The following NCOR2 variants were observed in gnomAD, a reference collection of about 807,000 sequenced individuals.
The protein encoded by NCOR2 is CTG repeat protein 26.
In NCOR2, 81 loss-of-function variants were observed where a neutral mutation model predicts 262.9. That is an observed-to-expected ratio of 0.31 (90% CI 0.26 to 0.37). NCOR2 has a LOEUF of 0.37. NCOR2 is among the 10% of genes least tolerant of loss of function. NCOR2 has a pLI of 1.00. For missense variants in NCOR2, 3,385 were observed against 3,621.4 expected (o/e 0.93, Z 1.68); for synonymous variants, 1,659 against 1,559.3 (o/e 1.06, Z -1.51).
Position 124,334,623 on chromosome 12 carries a change from G to A in NCOR2, c.6412-6C>T. On this transcript the variant is annotated splice_polypyrimidine_tract_variant and splice_region_variant and intron_variant, in intron 40 of 46. Coordinates refer to ENST00000405201, the Ensembl canonical transcript of NCOR2. ...TAGTCCTGTGTGATGACCTCCTGCA[G>A]GCAAGTGGGGGGGCCCAGAGTCAGG... 7.3e-7 allele frequency: 1 copy of A among 1,375,942 alleles called. No individual in the cohort carries two copies. Among genetic ancestry groups the A allele is most frequent in the Non-Finnish European group, 9.4e-7 (1 of 1,068,870 alleles). The allele number at this position is 1,375,942 out of a possible 1,614,324, so 85.2% of individuals were successfully genotyped here. A position where few individuals can be genotyped will look rare whatever the true frequency, so the allele number is the denominator to read the frequency against.
At chr12:124,423,093 G>A (rs2136308180) in intron 11 of NCOR2, among the ~76,000 whole-genome samples, 1 of 152,346 alleles carries the variant, frequency 6.6e-6, no homozygotes, top group East Asian at 1.9e-4. Flanking sequence ...GGCAAGCATG[G>A]ACTTAAGTCG....
rs1030798758 is a variant in NCOR2, at chr12:124,503,582, G to A, written c.-117-8214C>T. Among the ~76,000 whole-genome samples the A allele has an allele frequency of 2.7e-5, 4 of 148,016 alleles. No homozygotes were observed. Among genetic ancestry groups the A allele is most frequent in the Non-Finnish European group, 6.0e-5 (4 of 67,148 alleles). On this transcript the variant is annotated intron_variant, in intron 1 of 46. Coordinates refer to the NCOR2 transcript ENST00000404621. The surrounding 1 kb of genome is among the most constrained non-coding windows in gnomAD (Gnocchi z 4.3). ...ATGGATGGATAGATGGAAGACGGAC[G>A]GATGGACGGATGGATGGATGGACGG... is the stretch of plus-strand genomic sequence containing the variant.
rs577298910 is a variant in NCOR2, at chr12:124,554,823, C to T, written c.-165+12485G>A. Among the ~76,000 whole-genome samples the T allele has an allele frequency of 1.2e-4, 18 of 152,358 alleles. No individual in the cohort carries two copies. In the East Asian group the frequency reaches 2.7e-3, roughly 23 times the overall value. On this transcript the variant is annotated intron_variant, in intron 1 of 32. Transcript: ENST00000458234. ...GCTACAGCTGCTATTTATAGCTGAG[C>T]AGGGAGAAGCCAAGACAGACAGGGT... is the stretch of plus-strand genomic sequence containing the variant.
chr12:124,374,735 G>A (rs959216192), intron 18 of NCOR2, among the ~76,000 whole-genome samples: 1 of 152,262 alleles, frequency 6.6e-6, no homozygotes, highest in Non-Finnish European at 1.5e-5. Context: ...GGTTGTTCAG[G>A]GTGAAAAGTG....
At chr12:124,368,623 G>C (rs1223061859) in intron 20 of NCOR2, among the ~76,000 whole-genome samples, 1 of 152,178 alleles carries the variant, frequency 6.6e-6, no homozygotes, top group Non-Finnish European at 1.5e-5. Flanking sequence ...ACGCTCATGC[G>C]GCCACAGGGC....
rs2045913846 is a variant in NCOR2, at chr12:124,457,037, C to CGCCT, written c.762+65_762+68dup. 9.4e-7 allele frequency: 1 copy of CGCCT among 1,058,346 alleles called. No individual in the cohort carries two copies. The highest frequency in any genetic ancestry group is 1.3e-6 in the Non-Finnish European group (1 of 755,952). 65.6% of individuals were successfully genotyped at this position (1,058,346 alleles called of 1,614,324 possible). A position where few individuals can be genotyped will look rare whatever the true frequency, so the allele number is the denominator to read the frequency against. On this transcript the variant is annotated intron_variant, in intron 6 of 46. Transcript: ENST00000405201. This position sits in a 1 kb window ranked among gnomAD's most constrained non-coding sequence, Gnocchi z 4.0. ...GACTTCCTCCTCCGCCGCACCCTCCCGCCTCCCTGCCCACCTCTCCAGCCA... is the reference window on the plus strand; with the variant it reads ...GACTTCCTCCTCCGCCGCACCCTCCCGCCTGCCTCCCTGCCCACCTCTCCAGCCA...
At chr12:124,429,511 G>T in intron 10 of NCOR2, 102 bp downstream of exon 12, 1 of 1,283,608 alleles carries the variant, frequency 7.8e-7, no homozygotes, top group Non-Finnish European at 1.1e-6. Flanking sequence ...AAAGCCCCTC[G>T]ACGTAAACCA....
chr12:124,357,862 G>A (rs1269081774), intron 22 of NCOR2, among the ~76,000 whole-genome samples: 1 of 152,098 alleles, frequency 6.6e-6, no homozygotes, highest in African/African-American at 2.4e-5. Context: ...ATGGATGTGT[G>A]TGTGCGCCTG....
intron 1 of NCOR2, among the ~76,000 whole-genome samples, chr12:124,547,400 G>C (rs1462646634): frequency 6.6e-6 from 1 of 152,148 alleles, no homozygotes; most frequent in African/African-American, 2.4e-5. Flanking sequence ...AGTGTATATA[G>C]GGTTCCATAC....
chr12:124,563,566 C>T (rs532007945), intron 1 of NCOR2, among the ~76,000 whole-genome samples: 17 of 152,282 alleles, frequency 1.1e-4, no homozygotes, highest in South Asian at 2.1e-4. Context: ...GAGGGCAACG[C>T]GCCCAGCCTA....
chr12:124,359,099 C>A (rs1024123085), intron 22 of NCOR2, among the ~76,000 whole-genome samples: 1 of 152,212 alleles, frequency 6.6e-6, no homozygotes, highest in African/African-American at 2.4e-5. Context: ...CAGCGGGGCC[C>A]CGGGGCTCAG....
chr12:124,388,583 C>A, intron 16 of NCOR2: 1 of 1,212,836 alleles, frequency 8.2e-7, no homozygotes. Context: ...GCCCAGAACT[C>A]CGACTCCCCA....
In NCOR2 at chr12:124,351,629, G is replaced by A. The variant is rs141220313; in HGVS notation, c.3694-892C>T. Among the ~76,000 whole-genome samples, 652 of 152,290 alleles carry A rather than the reference G, an allele frequency of 4.3e-3. 2 individuals are homozygous for A. Among genetic ancestry groups the A allele is most frequent in the Non-Finnish European group, 6.2e-3 (421 of 68,034 alleles). ...CGTGGGGCAGCATCCTGCCTTGGGT[G>A]ACTTTCAAGAACACAAGCATCAGAG... is the stretch of plus-strand genomic sequence containing the variant. On this transcript the variant is annotated intron_variant, in intron 27 of 46. Coordinates refer to ENST00000405201, the Ensembl canonical transcript of NCOR2.
exon 35 of NCOR2, chr12:124,340,651 G>A (rs756738128): frequency 2.3e-4 from 338 of 1,500,412 alleles, no homozygotes; most frequent in East Asian, 1.9e-3. Flanking sequence ...GCTGGGGCGC[G>A]GTGGGGAGGT....
chr12:124,386,309 TCGCTCACAG>T lies in NCOR2; in HGVS notation c.1877-431_1877-423del, dbSNP rs533705718. On this transcript the variant is annotated intron_variant, in intron 16 of 46. Transcript: ENST00000405201. Reference sequence around the variant, plus strand: ...GGCCTACGTGACCCAGCCCTGACACTCGCTCACAGCTGCAGGCGAGGCCTCGGGAGACGG... The same window carrying T: ...GGCCTACGTGACCCAGCCCTGACACTCTGCAGGCGAGGCCTCGGGAGACGG... 1.8e-3 allele frequency among the ~76,000 whole-genome samples: 281 copies of T among 152,032 alleles called. 1 individual carries two copies. Among genetic ancestry groups the T allele is most frequent in the Non-Finnish European group, 3.2e-3 (220 of 67,974 alleles).
At chr12:124,429,658 G>T (rs369539019) in exon 10 of NCOR2, 1 of 1,609,474 alleles carries the variant, frequency 6.2e-7, no homozygotes. Flanking sequence ...CCTCGTGCTC[G>T]CTGCGGGCGG....
At chr12:124,332,643 T>TC (rs1431697024) in intron 42 of NCOR2, among the ~76,000 whole-genome samples, 176 bp from the exon 45 acceptor site, 1 of 152,094 alleles carries the variant, frequency 6.6e-6, no homozygotes, top group Non-Finnish European at 1.5e-5. Context: ...CCTCTGCGGT[T>TC]CACCCGTCCT....
At chr12:124,488,388 G>A (rs2047895101) in intron 1 of NCOR2, among the ~76,000 whole-genome samples, 1 of 152,202 alleles carries the variant, frequency 6.6e-6, no homozygotes, top group Admixed American at 6.5e-5. Context: ...TGTGTCTTTG[G>A]CCCTGTTATT....
intron 1 of NCOR2, among the ~76,000 whole-genome samples, chr12:124,546,196 G>A (rs376297702): frequency 4.6e-5 from 7 of 152,116 alleles, no homozygotes; most frequent in Non-Finnish European, 1.0e-4. Context: ...CTGTTTCCTC[G>A]CCGTAAAATA....
Sources: allele counts gnomAD v4.1 joint callset (sites outside exome capture counted in the v4.1 genomes callset), GRCh38; gene constraint gnomAD v4.1.1; non-coding constraint Gnocchi (gnomAD v3.1); transcripts MANE v1.5; gene names NCBI Gene and HGNC (gene_info 2026-07-23, HGNC 2026-07-21).